NXPE2: variants seen among roughly 807,000 people sequenced by gnomAD.
The protein encoded by NXPE2 is neurexophilin and PC-esterase domain family member 2.
Under a neutral mutation model 34.4 loss-of-function variants are expected in NXPE2, and 34 were observed. The observed-to-expected ratio is 0.99, with a 90% CI of 0.75 to 1.31. The LOEUF (loss-of-function observed/expected upper bound fraction) is 1.31, where lower values mean the gene tolerates loss of function less well. Ranked by LOEUF, NXPE2 falls within the 40% of genes most tolerant of loss-of-function variation. The probability of loss-of-function intolerance (pLI) is 0.00; values close to 1 mark genes in which losing one functional copy is unlikely to be tolerated. For missense variants in NXPE2, 649 were observed against 672.5 expected (o/e 0.97, Z 0.39); for synonymous variants, 235 against 231.3 (o/e 1.02, Z -0.15).
chr11:114,607,462 T>G, the NXPE2 span, among the ~76,000 whole-genome samples: 1 of 151,806 alleles, frequency 6.6e-6, no homozygotes, highest in South Asian at 2.1e-4. Flanking sequence ...TGGTGGATGA[T>G]AAATATTGCC....
At chr11:114,637,092 G>T in the NXPE2 span, among the ~76,000 whole-genome samples, 1 of 151,816 alleles carries the variant, frequency 6.6e-6, no homozygotes, top group Non-Finnish European at 1.5e-5. Flanking sequence ...TAACGTGTGG[G>T]AGTCTAAGTC....
At chr11:114,753,077 C>T in the NXPE2 span, among the ~76,000 whole-genome samples, 5,622 of 152,164 alleles carry the variant, frequency 0.037, 359 homozygotes, top group African/African-American at 0.13. Context: ...CAAATGGATA[C>T]GTGTTTTAAG....
At chr11:114,512,493 A>G in the NXPE2 span, among the ~76,000 whole-genome samples, 7 of 152,108 alleles carry the variant, frequency 4.6e-5, no homozygotes, top group Non-Finnish European at 8.8e-5. Flanking sequence ...GGACACCAAC[A>G]AGAGGTGATG....
intron 2 of NXPE2, among the ~76,000 whole-genome samples, chr11:114,687,693 A>C (rs1951074188): frequency 6.6e-6 from 1 of 152,138 alleles, no homozygotes; most frequent in Admixed American, 6.6e-5. Context: ...TGCTTTGGGC[A>C]GTATGGACAT....
the NXPE2 span, among the ~76,000 whole-genome samples, chr11:114,610,847 T>G: frequency 1.3e-5 from 2 of 151,654 alleles, no homozygotes; most frequent in East Asian, 3.9e-4. Context: ...GTATTGCCTC[T>G]AGGGTAACCA....
chr11:114,653,181 G>C, the NXPE2 span, among the ~76,000 whole-genome samples: 5 of 152,068 alleles, frequency 3.3e-5, no homozygotes, highest in South Asian at 2.1e-4. Context: ...CTGGAGAAAG[G>C]GTTTTTAAAA....
the NXPE2 span, among the ~76,000 whole-genome samples, chr11:114,602,762 CAT>C: frequency 8.3e-5 from 12 of 143,766 alleles, no homozygotes; most frequent in Non-Finnish European, 1.2e-4. Flanking sequence ...ATAAGTATCT[CAT>C]ATATAATTAC....
the NXPE2 span, among the ~76,000 whole-genome samples, chr11:114,476,572 G>T: frequency 6.6e-6 from 1 of 152,164 alleles, no homozygotes; most frequent in Non-Finnish European, 1.5e-5. Flanking sequence ...GCTGGGTTAA[G>T]CCTCAGGAAA....
chr11:114,581,853 A>T, the NXPE2 span: 8 of 1,019,608 alleles, frequency 7.8e-6, no homozygotes, highest in Non-Finnish European at 1.2e-5. Context: ...CAGAAACTAG[A>T]TTATCCAGTG....
At chr11:114,582,843 T>G in the NXPE2 span, 2 of 1,614,186 alleles carry the variant, frequency 1.2e-6, no homozygotes, top group Non-Finnish European at 1.7e-6. Flanking sequence ...GGTGGTGGTG[T>G]TCACGTGGGT....
the NXPE2 span, among the ~76,000 whole-genome samples, chr11:114,525,758 T>A: frequency 2.0e-5 from 3 of 152,214 alleles, no homozygotes; most frequent in Admixed American, 2.0e-4. Context: ...CCTGTAGGTT[T>A]TGCACCATTT....
the NXPE2 span, among the ~76,000 whole-genome samples, chr11:114,589,332 A>G: frequency 6.6e-6 from 1 of 152,030 alleles, no homozygotes; most frequent in African/African-American, 2.4e-5. Flanking sequence ...GTAATTCTGG[A>G]AACTGAAGGA....
chr11:114,789,486 C>T, the NXPE2 span, among the ~76,000 whole-genome samples: 1 of 152,162 alleles, frequency 6.6e-6, no homozygotes. Context: ...TAAAAGAAAA[C>T]CAGCATTTAT....
the NXPE2 span, among the ~76,000 whole-genome samples, chr11:114,590,241 C>G: frequency 6.6e-6 from 1 of 152,180 alleles, no homozygotes; most frequent in Non-Finnish European, 1.5e-5. Context: ...CACTGAAACT[C>G]TTTTTAATTT....
At chr11:114,653,020 G>T in the NXPE2 span, among the ~76,000 whole-genome samples, 7 of 152,224 alleles carry the variant, frequency 4.6e-5, no homozygotes, top group East Asian at 1.2e-3. Flanking sequence ...AATCTGGGGG[G>T]TTCTGCTGAT....
chr11:114,538,526 C>T, the NXPE2 span, among the ~76,000 whole-genome samples: 2 of 152,144 alleles, frequency 1.3e-5, no homozygotes, highest in African/African-American at 4.8e-5. Context: ...TTGCAACCTA[C>T]TCATCTGATA....
chr11:114,729,056 A>T, the NXPE2 span, among the ~76,000 whole-genome samples: 17 of 151,972 alleles, frequency 1.1e-4, no homozygotes, highest in Non-Finnish European at 2.2e-4. Flanking sequence ...ATAGTTTTTC[A>T]ACCCTTACCC....
At chr11:114,464,512 T>C in the NXPE2 span, among the ~76,000 whole-genome samples, 2 of 152,180 alleles carry the variant, frequency 1.3e-5, no homozygotes, top group East Asian at 1.9e-4. Flanking sequence ...CATAACCCCA[T>C]TGTAATTCAA....
At chr11:114,806,395 C>G in the NXPE2 span, among the ~76,000 whole-genome samples, 7 of 151,862 alleles carry the variant, frequency 4.6e-5, no homozygotes, top group South Asian at 2.1e-4. Context: ...TCAAACTACT[C>G]CAAGCTACAG....
Sources: gnomAD v4.1 joint callset for allele counts (sites outside exome capture counted in the v4.1 genomes callset) on GRCh38, gnomAD v4.1.1 for gene constraint, MANE v1.5 for transcripts, NCBI Gene and HGNC (gene_info 2026-07-23, HGNC 2026-07-21) for gene names.